Variants in NIPA2 observed in about 807,000 individuals in gnomAD.
The protein encoded by NIPA2 is magnesium transporter NIPA2.
A neutral mutation model predicts 29.7 loss-of-function variants in NIPA2; 11 were observed. That is an observed-to-expected ratio of 0.37 (90% CI 0.23 to 0.61). NIPA2 has a LOEUF of 0.61. Among genes scored for constraint, NIPA2 ranks in the 20% least tolerant of loss-of-function variants. NIPA2 has a pLI of 0.66. For synonymous variants in NIPA2, 183 were observed against 161.9 expected (o/e 1.13, Z -0.99); for missense variants, 426 against 437.9 (o/e 0.97, Z 0.24).
rs571098735 is a variant in NIPA2, at chr15:22,847,467, CT to C, written c.-94+2213del. 6.8e-3 allele frequency among the ~76,000 whole-genome samples: 982 copies of C among 145,350 alleles called. 4 individuals are homozygous for C. The highest frequency in any genetic ancestry group is 6.5e-3 in the African/African-American group (260 of 39,978). ...CAAAGATTAAAGGAGGATGATGATT[CT>C]TTTTTTTTTTTTCCGAGACGGAGTC... On this transcript the variant is annotated intron_variant, in intron 3 of 7. Coordinates refer to ENST00000337451, the MANE Select transcript of NIPA2 (RefSeq NM_030922.7).
rs750322636 is a variant in NIPA2 at position 22,866,661 on chromosome 15, T to TAAAG, written c.899_902dup (p.Asp301GlufsTer6). 1 of 1,614,144 alleles carries TAAAG rather than the reference T, an allele frequency of 6.2e-7. No individual in the cohort carries two copies. The highest frequency in any genetic ancestry group is 1.1e-5 in the South Asian group (1 of 91,086). On this transcript the variant is annotated frameshift_variant, in exon 8 of 8. Transcript: ENST00000337451. LOFTEE classifies it high-confidence loss of function. ...TGGGGATATTCTTGTTGCATGCCTT[T>TAAAG]AAAGACGTCAGCTTTAGTCTAGCAA...
rs1229152058 is a variant in NIPA2 at position 22,860,784 on chromosome 15, ATCCAGGT to A, written c.444_448+2del. On this transcript the variant is annotated splice_donor_variant and coding_sequence_variant, in exon 7 of 8. Coordinates refer to ENST00000337451, the MANE Select transcript of NIPA2 (RefSeq NM_030922.7). LOFTEE classifies it high-confidence loss of function. The stretch of plus-strand genomic sequence containing the variant: ...AATGAAATGTCTCACAAGCTAGGTG[ATCCAGGT>A]AAGAAAAAAGTCTTATTAGTCTTAC... 1 of 1,586,852 alleles carries A rather than the reference ATCCAGGT, an allele frequency of 6.3e-7. No individual in the cohort carries two copies. Among genetic ancestry groups the A allele is most frequent in the South Asian group, 1.2e-5 (1 of 84,780 alleles).
At chr15:22,839,297 A>C (rs1388508349) in intron 1 of NIPA2, 1 of 152,188 alleles carries the variant, frequency 6.6e-6, no homozygotes, top group African/African-American at 2.4e-5. Flanking sequence ...AAATCACGGA[A>C]TCCTATTTCC....
chr15:22,866,710 G>A lies in NIPA2; in HGVS notation c.946G>A (p.Asp316Asn). The change falls in exon 8 of 8, where the codon GAC becomes AAC. Residue 316 changes from aspartate (D) to asparagine (N), a missense_variant. Physicochemically the swap from Asp to Asn is conservative, Grantham distance 23. Coordinates refer to ENST00000337451, the MANE Select transcript of NIPA2 (RefSeq NM_030922.7). ...AAGTCTGCCTGTGTCTTTTCGAAAA[G>A]ACGAGAAAGCAATGAATGGCAATCT... is the stretch of plus-strand genomic sequence containing the variant. ...LASLPVSFRK[D>N]EKAMNGNLSN... 1 of 1,614,112 alleles carries A rather than the reference G, an allele frequency of 6.2e-7. No homozygotes were observed. Among genetic ancestry groups the A allele is most frequent in the Non-Finnish European group, 8.5e-7 (1 of 1,180,010 alleles).
At chr15:22,847,276 T>C (rs910153467) in intron 3 of NIPA2, among the ~76,000 whole-genome samples, 2 of 152,086 alleles carry the variant, frequency 1.3e-5, no homozygotes, top group Admixed American at 6.5e-5. Flanking sequence ...ATCATCTTTA[T>C]TGGTAAGAAG....
chr15:22,851,747 G>A lies in NIPA2; in HGVS notation c.16G>A (p.Gly6Arg). The A allele has an allele frequency of 6.2e-7, 1 of 1,611,444 alleles. No individual in the cohort carries two copies. Among genetic ancestry groups the A allele is most frequent in the Non-Finnish European group, 8.5e-7 (1 of 1,179,138 alleles). ...AACAAACGAAATGAGCCAGGGGCGT[G>A]GAAAATATGACTTCTATATTGGTCT... MSQGR[G>R]KYDFYIGLGL... Residue 6 changes from glycine (G) to arginine (R), a missense_variant, in exon 4 of 8, where the codon GGA (glycine) becomes AGA (arginine). Physicochemically the swap from Gly to Arg is moderately radical, Grantham distance 125. Transcript: ENST00000337451.
chr15:22,840,228 C>T (rs7168115), intron 2 of NIPA2, among the ~76,000 whole-genome samples: 29,637 of 151,090 alleles, frequency 0.2, 3,119 homozygotes, highest in Admixed American at 0.3. Context: ...CCTAAGCTAA[C>T]TTAGATAGCA....
At chr15:22,862,263 G>T (rs1023146281) in intron 7 of NIPA2, among the ~76,000 whole-genome samples, 6 of 151,606 alleles carry the variant, frequency 4.0e-5, no homozygotes, top group Non-Finnish European at 2.9e-5. Context: ...GGCCAGGCTG[G>T]TCTCGAATTC....
In NIPA2 at chr15:22,866,753, T is replaced by G. The variant is rs1473977064; in HGVS notation, c.989T>G (p.Val330Gly). 15 of 1,613,706 alleles carry G rather than the reference T, an allele frequency of 9.3e-6. No homozygotes were observed. Among genetic ancestry groups the G allele is most frequent in the African/African-American group, 1.3e-5 (1 of 74,912 alleles). The change falls in exon 8 of 8, where the codon GTT becomes GGT. Residue 330 changes from valine to glycine, a missense_variant. By Grantham distance (109) the Val-to-Gly change is moderately radical. Transcript: ENST00000337451. ...GGCAATCTCTCTAATATGTATGAAG[T>G]TCTTAATAATAATGAAGAAAGCTTA... ...MNGNLSNMYE[V>G]LNNNEESLTC...
rs1048464628 is a variant in NIPA2, at chr15:22,839,691, G to A, written c.-315G>A. The A allele has an allele frequency of 6.6e-6, 1 of 152,154 alleles. No individual in the cohort carries two copies. Among genetic ancestry groups the A allele is most frequent in the African/African-American group, 2.4e-5 (1 of 41,436 alleles). The allele number at this position is 152,154 out of a possible 1,614,324, so 9.4% of individuals were successfully genotyped here. A position where few individuals can be genotyped will look rare whatever the true frequency, so the allele number is the denominator to read the frequency against. ...TCGGCCAGGGTTTAAGACTTTAAAT[G>A]AGAATAAAGGGTGGTATTTACGAGG... On this transcript the variant is annotated 5_prime_UTR_variant, in exon 2 of 8. An upstream start codon of the reference 5' UTR is lost. Transcript: ENST00000337451.
chr15:22,849,269 AT>A (rs1329254903), intron 3 of NIPA2, among the ~76,000 whole-genome samples: 2 of 148,266 alleles, frequency 1.3e-5, no homozygotes, highest in Non-Finnish European at 3.0e-5. Context: ...AATACCTTAG[AT>A]TGTTCAGCTT....
At chr15:22,865,061 C>T (rs1188373226) in intron 7 of NIPA2, among the ~76,000 whole-genome samples, 1 of 152,006 alleles carries the variant, frequency 6.6e-6, no homozygotes, top group African/African-American at 2.4e-5. Flanking sequence ...GAGGTTTCAC[C>T]ATGTTGGCTA....
rs538797119 is a variant in NIPA2, at chr15:22,867,006, T to TAAACAAAC, written c.*162_*169dup. 2 of 667,450 alleles carry TAAACAAAC rather than the reference T, an allele frequency of 3.0e-6. No individual in the cohort carries two copies. Among genetic ancestry groups the TAAACAAAC allele is most frequent in the African/African-American group, 3.6e-5 (2 of 55,060 alleles). The allele number at this position is 667,450 out of a possible 1,614,324, so 41.3% of individuals were successfully genotyped here. A position where few individuals can be genotyped will look rare whatever the true frequency, so the allele number is the denominator to read the frequency against. On this transcript the variant is annotated 3_prime_UTR_variant, in exon 8 of 8. Coordinates refer to ENST00000337451, the MANE Select transcript of NIPA2 (RefSeq NM_030922.7). Reference sequence around the variant, plus strand: ...ACCAAGAAATTACTTTTCTTGTATTTAAACAAACAATGGTAGCTCACTAAA... The same window carrying TAAACAAAC: ...ACCAAGAAATTACTTTTCTTGTATTTAAACAAACAAACAAACAATGGTAGCTCACTAAA...
intron 3 of NIPA2, 44 bp from the exon 4 acceptor site, chr15:22,851,595 C>A: frequency 1.6e-6 from 1 of 625,566 alleles, no homozygotes; most frequent in African/African-American, 1.9e-5. Context: ...TGTGAGCTGT[C>A]ATGAGCATTC....
chr15:22,866,201 T>C lies in NIPA2; in HGVS notation c.449-12T>C. 6.2e-7 allele frequency: 1 copy of C among 1,603,310 alleles called. No homozygotes were observed. On this transcript the variant is annotated splice_polypyrimidine_tract_variant and intron_variant, in intron 7 of 7. Transcript: ENST00000337451. ...CCATTTGACTCATGTAACTTTTCTT[T>C]GCCTCCTCCAGGTTTTGTGGTCTTT...
At chr15:22,851,275 G>A (rs1317963595) in intron 3 of NIPA2, among the ~76,000 whole-genome samples, 1 of 152,126 alleles carries the variant, frequency 6.6e-6, no homozygotes, top group Non-Finnish European at 1.5e-5. Flanking sequence ...TATTCAAAAG[G>A]ACACATTTGA....
At chr15:22,844,848 C>A (rs558651572) in intron 2 of NIPA2, among the ~76,000 whole-genome samples, 9 of 152,144 alleles carry the variant, frequency 5.9e-5, no homozygotes, top group African/African-American at 1.9e-4. Flanking sequence ...GTGTTTAAAA[C>A]GTCAGTAGGT....
rs1057420513 is a variant in NIPA2 at position 22,867,057 on chromosome 15, A to G, written c.*210A>G. The G allele has an allele frequency of 9.5e-6, 5 of 523,884 alleles. No homozygotes were observed. Among genetic ancestry groups the G allele is most frequent in the Non-Finnish European group, 1.7e-5 (5 of 301,918 alleles). 32.5% of individuals were successfully genotyped at this position (523,884 alleles called of 1,614,324 possible). A position where few individuals can be genotyped will look rare whatever the true frequency, so the allele number is the denominator to read the frequency against. On this transcript the variant is annotated 3_prime_UTR_variant, in exon 8 of 8. Coordinates refer to ENST00000337451, the MANE Select transcript of NIPA2 (RefSeq NM_030922.7). ...ATGACCTCAGCACATGACGATTTCT[A>G]TTAACATTTTATTGTTGTAGAAGTA...
rs1285001416 is a variant in NIPA2 at position 22,868,242 on chromosome 15, A to C, written c.*1395A>C. 6.6e-6 allele frequency: 1 copy of C among 152,194 alleles called. No individual in the cohort carries two copies. Among genetic ancestry groups the C allele is most frequent in the Non-Finnish European group, 1.5e-5 (1 of 68,038 alleles). The allele number at this position is 152,194 out of a possible 1,614,324, so 9.4% of individuals were successfully genotyped here. ...AACTGCCTCCTCCCATGCCATTTTA[A>C]TACTACAGATGTACTACGTATCTGT... is the stretch of plus-strand genomic sequence containing the variant. On this transcript the variant is annotated 3_prime_UTR_variant, in exon 8 of 8. Transcript: ENST00000337451.
Sources: allele counts gnomAD v4.1 joint callset (sites outside exome capture counted in the v4.1 genomes callset), GRCh38; gene constraint gnomAD v4.1.1; transcripts MANE v1.5; gene names NCBI Gene and HGNC (gene_info 2026-07-23, HGNC 2026-07-21).